The following TSPYL1 variants were observed in gnomAD, a reference collection of about 807,000 sequenced individuals.
The protein encoded by TSPYL1 is TSPY like 1, also known as testis-specific Y-encoded-like protein 1.
TSPYL1 carries 16 observed loss-of-function variants against 20.1 expected under a neutral mutation model. That is an observed-to-expected ratio of 0.80 (90% CI 0.54 to 1.21). The LOEUF is 1.21. Among genes scored for constraint, TSPYL1 ranks in the 50% most tolerant of loss-of-function variants. TSPYL1 has a pLI of 0.00. For missense variants in TSPYL1, 560 were observed against 569.3 expected, an observed-to-expected ratio of 0.98 and a Z score of 0.17; for synonymous variants, 259 against 227.1, an observed-to-expected ratio of 1.14 and a Z score of -1.26.
rs1405953567 is a variant in TSPYL1 at position 116,279,404 on chromosome 6, C to A, written c.427G>T (p.Glu143Ter). Residue 143 changes from glutamate (E) to a stop codon, truncating the protein, a stop_gained, in exon 1 of 1, where the codon GAG (glutamate) becomes TAG (stop). Coordinates refer to ENST00000368608, the MANE Select transcript of TSPYL1 (RefSeq NM_003309.4). LOFTEE classifies it low-confidence loss of function (END_TRUNC). ...TCAGCCTCCGCCCCCGCCGTCAGCT[C>A]AGACGCGGATCTCTGGGCGCCACAG... The part of the protein sequence containing the change: ...EICGAQRSAS[E>*]LTAGAEAEAE... 1 of 1,613,282 alleles carries A rather than the reference C, an allele frequency of 6.2e-7. No homozygotes were observed.
Position 116,279,855 on chromosome 6 carries a change from A to C in TSPYL1, c.-25T>G, listed in dbSNP as rs1313369741. On this transcript the variant is annotated 5_prime_UTR_variant, in exon 1 of 1. Transcript: ENST00000368608. ...TGTTGCTAACAGTCGGACCAACCGC[A>C]GGCGAACGCCCGTTTTCCTCAGAGG... The C allele has an allele frequency of 6.2e-7, 1 of 1,613,088 alleles. No homozygotes were observed. Among genetic ancestry groups the C allele is most frequent in the Middle Eastern group, 1.6e-4 (1 of 6,062 alleles).
chr6:116,278,775 A>G lies in TSPYL1; in HGVS notation c.1056T>C (p.Ser352=). The change falls in exon 1 of 1, where the codon TCT becomes TCC. Residue 352 remains serine, a synonymous_variant. Transcript: ENST00000368608. ...GCCCCCTGCGCCATATAATTGGAGT[A>G]GAAAGAGACACCACTCGGCCGGAGG... The part of the protein sequence containing the change: ...VRSSGRVVSL[S]TPIIWRRGHE... 1 of 1,614,220 alleles carries G rather than the reference A, an allele frequency of 6.2e-7. No individual in the cohort carries two copies.
Position 116,279,331 on chromosome 6 carries a change from A to G in TSPYL1, c.500T>C (p.Val167Ala), listed in dbSNP as rs1207511408. The G allele has an allele frequency of 1.2e-6, 2 of 1,610,646 alleles. No individual in the cohort carries two copies. The highest frequency in any genetic ancestry group is 2.7e-5 in the African/African-American group (2 of 74,936). ...CACCTCAGCGCTCTCCCTCTCAGCC[A>G]CGGCTGCTGAGACGGTGGCGCACTT... ...TGKCATVSAA[V>A]AERESAEVVK... Residue 167 changes from valine to alanine, a missense_variant, in exon 1 of 1, where the codon GTG becomes GCG. Physicochemically the swap from Val to Ala is moderately conservative, Grantham distance 64. Coordinates refer to ENST00000368608, the MANE Select transcript of TSPYL1 (RefSeq NM_003309.4).
In TSPYL1 at chr6:116,278,584, C is replaced by G; in HGVS notation, c.1247G>C (p.Arg416Thr). 1 of 1,614,188 alleles carries G rather than the reference C, an allele frequency of 6.2e-7. No homozygotes were observed. Among genetic ancestry groups the G allele is most frequent in the Admixed American group, 1.7e-5 (1 of 60,022 alleles). The stretch of plus-strand genomic sequence containing the variant: ...CTCCCTTAGCGGGCGACGTCGGGCT[C>G]TACGGACTCCTTCACGCAACAGGTA... ...QYYLLREGVR[R>T]ARRRPLREPV... Residue 416 changes from arginine to threonine, a missense_variant, in exon 1 of 1, where the codon AGA becomes ACA. Transcript: ENST00000368608.
chr6:116,279,110 T>C lies in TSPYL1; in HGVS notation c.721A>G (p.Thr241Ala). Residue 241 changes from threonine to alanine, a missense_variant, in exon 1 of 1, where the codon ACT (threonine) becomes GCT (alanine). Transcript: ENST00000368608. Reference sequence around the variant, plus strand: ...GCCCTGTCGGCCTGAGCATTCACAGTGTCCAGTTCCAGCTGGATGGCCTCC... The same window carrying C: ...GCCCTGTCGGCCTGAGCATTCACAGCGTCCAGTTCCAGCTGGATGGCCTCC... ...PLEAIQLELD[T>A]VNAQADRAFQ... 1 of 1,614,120 alleles carries C rather than the reference T, an allele frequency of 6.2e-7. No homozygotes were observed. The highest frequency in any genetic ancestry group is 8.5e-7 in the Non-Finnish European group (1 of 1,179,964).
rs534170210 is a variant in TSPYL1 at position 116,278,943 on chromosome 6, T to C, written c.888A>G (p.Gln296=). Residue 296 remains glutamine, a synonymous_variant, in exon 1 of 1, where the codon CAA becomes CAG. Transcript: ENST00000368608. ...HPQLSAMIRG[Q]DAEMLRYITN... The stretch of plus-strand genomic sequence containing the variant: ...TTATGTACCTTAACATCTCTGCATC[T>C]TGGCCCCTAATCATGGCGGACAACT... The C allele has an allele frequency of 6.2e-7, 1 of 1,614,136 alleles. No homozygotes were observed. The highest frequency in any genetic ancestry group is 2.2e-5 in the East Asian group (1 of 44,862).
rs1465291174 is a variant in TSPYL1 at position 116,275,436 on chromosome 6, G to T, written c.*3081C>A. Among the ~76,000 whole-genome samples, 1 of 152,168 alleles carries T rather than the reference G, an allele frequency of 6.6e-6. No homozygotes were observed. The highest frequency in any genetic ancestry group is 1.5e-5 in the Non-Finnish European group (1 of 68,024). On this transcript the variant is annotated 3_prime_UTR_variant, in exon 1 of 1. Transcript: ENST00000368608. ...CTCATTAAATCTTTCTGAGAACTAG[G>T]TTATTTTGTTCTTTTTCCTCCATCT...
chr6:116,278,759 G>A lies in TSPYL1; in HGVS notation c.1072C>T (p.Arg358Cys), dbSNP rs979950673. Reference sequence around the variant, plus strand: ...AAGGACTGGGGTTCATGCCCCCTGCGCCATATAATTGGAGTAGAAAGAGAC... The same window carrying A: ...AAGGACTGGGGTTCATGCCCCCTGCACCATATAATTGGAGTAGAAAGAGAC... ...VVSLSTPIIW[R>C]RGHEPQSFIR... Residue 358 changes from arginine (R) to cysteine (C), a missense_variant, in exon 1 of 1, where the codon CGC (arginine) becomes TGC (cysteine). By Grantham distance (180) the Arg-to-Cys change is radical. Coordinates refer to ENST00000368608, the MANE Select transcript of TSPYL1 (RefSeq NM_003309.4). The A allele has an allele frequency of 7.4e-6, 12 of 1,614,126 alleles. No individual in the cohort carries two copies. Among genetic ancestry groups the A allele is most frequent in the Non-Finnish European group, 1.0e-5 (12 of 1,180,036 alleles).
Position 116,279,313 on chromosome 6 carries a change from G to A in TSPYL1, c.518C>T (p.Ala173Val), listed in dbSNP as rs1773336944. The A allele has an allele frequency of 1.3e-6, 2 of 1,576,198 alleles. No homozygotes were observed. Among genetic ancestry groups the A allele is most frequent in the Admixed American group, 1.7e-5 (1 of 57,560 alleles). The change falls in exon 1 of 1, where the codon GCT (alanine) becomes GTT (valine). Residue 173 changes from alanine to valine, a missense_variant. Physicochemically the swap from Ala to Val is moderately conservative, Grantham distance 64. Coordinates refer to ENST00000368608, the MANE Select transcript of TSPYL1 (RefSeq NM_003309.4). ...VSAAVAERES[A>V]EVVKEGLAEK... ...CGCCAGGCCTTCCTTCACCACCTCA[G>A]CGCTCTCCCTCTCAGCCACGGCTGC...
In TSPYL1 at chr6:116,278,611, T is replaced by C. The variant is rs1387726528; in HGVS notation, c.1220A>G (p.Tyr407Cys). 4 of 1,614,174 alleles carry C rather than the reference T, an allele frequency of 2.5e-6. No individual in the cohort carries two copies. The highest frequency in any genetic ancestry group is 3.4e-6 in the Non-Finnish European group (4 of 1,180,030). The change falls in exon 1 of 1, where the codon TAC becomes TGC. Residue 407 changes from tyrosine (Y) to cysteine (C), a missense_variant. By Grantham distance (194) the Tyr-to-Cys change is radical. Coordinates refer to ENST00000368608, the MANE Select transcript of TSPYL1 (RefSeq NM_003309.4). ...KEDLWPNPLQ[Y>C]YLLREGVRRA... The stretch of plus-strand genomic sequence containing the variant: ...ACGGACTCCTTCACGCAACAGGTAG[T>C]ATTGCAGTGGATTTGGCCACAGATC...
In TSPYL1 at chr6:116,275,442, T is replaced by C. The variant is rs1773088598; in HGVS notation, c.*3075A>G. Among the ~76,000 whole-genome samples the C allele has an allele frequency of 6.6e-6, 1 of 152,248 alleles. No homozygotes were observed. Among genetic ancestry groups the C allele is most frequent in the South Asian group, 2.1e-4 (1 of 4,828 alleles). ...AAATCTTTCTGAGAACTAGGTTATT[T>C]TGTTCTTTTTCCTCCATCTGAGTTT... On this transcript the variant is annotated 3_prime_UTR_variant, in exon 1 of 1. Transcript: ENST00000368608.
Position 116,279,382 on chromosome 6 carries a change from G to C in TSPYL1, c.449C>G (p.Ala150Gly), listed in dbSNP as rs769437614. ...SASELTAGAE[A>G]EAEEVKTGKC... ...TCCTGTCTTCACCTCCTCCGCCTCAGCCTCCGCCCCCGCCGTCAGCTCAGA... is the reference window on the plus strand; with the variant it reads ...TCCTGTCTTCACCTCCTCCGCCTCACCCTCCGCCCCCGCCGTCAGCTCAGA... The change falls in exon 1 of 1, where the codon GCT becomes GGT. Residue 150 changes from alanine (A) to glycine (G), a missense_variant. Transcript: ENST00000368608. 1 of 1,612,678 alleles carries C rather than the reference G, an allele frequency of 6.2e-7. No homozygotes were observed. Among genetic ancestry groups the C allele is most frequent in the Non-Finnish European group, 8.5e-7 (1 of 1,180,006 alleles).
chr6:116,279,042 G>A lies in TSPYL1; in HGVS notation c.789C>T (p.His263=), dbSNP rs1159811966. The change falls in exon 1 of 1, where the codon CAC becomes CAT. Residue 263 remains histidine (H), a synonymous_variant. Coordinates refer to ENST00000368608, the MANE Select transcript of TSPYL1 (RefSeq NM_003309.4). ...TGATGTAGTTCCTCCGCTCCAGGTA[G>A]TGTCGACGCATCCGCCCAAACTTGT... ...LEHKFGRMRR[H]YLERRNYIIQ... 3 of 1,613,408 alleles carry A rather than the reference G, an allele frequency of 1.9e-6. No individual in the cohort carries two copies. The highest frequency in any genetic ancestry group is 2.5e-6 in the Non-Finnish European group (3 of 1,179,510).
In TSPYL1 at chr6:116,279,619, G is replaced by C. The variant is rs768428571; in HGVS notation, c.212C>G (p.Pro71Arg). Residue 71 changes from proline to arginine, a missense_variant, in exon 1 of 1, where the codon CCC (proline) becomes CGC (arginine). By Grantham distance (103) the Pro-to-Arg change is moderately radical. Coordinates refer to ENST00000368608, the MANE Select transcript of TSPYL1 (RefSeq NM_003309.4). ...ACCGCCACGGCCCGCGGCATCCTGG[G>C]GTACGCCCCCCTCCTCTGAAGGCGG... Reference protein sequence around the residue: ...PPPPSEEGGVPQDAAGRGGTP... With the variant: ...PPPPSEEGGVRQDAAGRGGTP... The C allele has an allele frequency of 1.9e-6, 3 of 1,603,050 alleles. No individual in the cohort carries two copies. Among genetic ancestry groups the C allele is most frequent in the African/African-American group, 1.3e-5 (1 of 75,032 alleles).
chr6:116,278,537 AGGG>A lies in TSPYL1; in HGVS notation c.1291_1293del (p.Pro431del), dbSNP rs1299813978. 6.2e-7 allele frequency: 1 copy of A among 1,614,146 alleles called. No homozygotes were observed. Among genetic ancestry groups the A allele is most frequent in the Non-Finnish European group, 8.5e-7 (1 of 1,180,026 alleles). On this transcript the variant is annotated inframe_deletion, in exon 1 of 1. Transcript: ENST00000368608. ...AAATGTTAACCAGACTGGAACCCAA[AGGG>A]CCTGGGGATCTCTACAGGCTCCCTT...
Position 116,279,786 on chromosome 6 carries a change from G to T in TSPYL1, c.45C>A (p.Thr15=), listed in dbSNP as rs780748901. 2 of 1,612,874 alleles carry T rather than the reference G, an allele frequency of 1.2e-6. No individual in the cohort carries two copies. The highest frequency in any genetic ancestry group is 8.5e-7 in the Non-Finnish European group (1 of 1,180,034). ...CTTGGTCAGAAATAATGATGCTGTG[G>T]GTTTGGAGGGGAGTGGTCCTCTTGA... The part of the protein sequence containing the change: ...DGVKRTTPLQ[T]HSIIISDQVP... Residue 15 remains threonine, a synonymous_variant, in exon 1 of 1, where the codon ACC becomes ACA. Transcript: ENST00000368608.
Position 116,279,685 on chromosome 6 carries a change from G to A in TSPYL1, c.146C>T (p.Pro49Leu), listed in dbSNP as rs758032675. 2.5e-6 allele frequency: 4 copies of A among 1,609,854 alleles called. No homozygotes were observed. The Admixed American group carries it at 6.7e-5, about 27-fold the overall frequency. ...GACGGTCTCCGAGCCTCCCTCACCC[G>A]GCTCCGCCATCACCTGTGTCGCCTC... ...QSEATQVMAE[P>L]GEGGSETVAL... The change falls in exon 1 of 1, where the codon CCG becomes CTG. Residue 49 changes from proline to leucine, a missense_variant. By Grantham distance (98) the Pro-to-Leu change is moderately conservative. Transcript: ENST00000368608.
At position 116,277,968 on chromosome 6, in the gene TSPYL1, G is replaced by A. The variant is rs537638071; in HGVS notation, c.*549C>T. The A allele has an allele frequency of 6.6e-6, 1 of 150,928 alleles. No individual in the cohort carries two copies. The highest frequency in any genetic ancestry group is 1.5e-5 in the Non-Finnish European group (1 of 68,308). The allele number at this position is 150,928 out of a possible 1,614,324, so 9.3% of individuals were successfully genotyped here. A position where few individuals can be genotyped will look rare whatever the true frequency, so the allele number is the denominator to read the frequency against. ...GGGAGAGAGAGGGACCTTGGCAGGA[G>A]CCAATGTAGGGCAGGTAGCAATAGA... On this transcript the variant is annotated 3_prime_UTR_variant, in exon 1 of 1. Transcript: ENST00000368608.
chr6:116,278,410 A>T lies in TSPYL1; in HGVS notation c.*107T>A, dbSNP rs1274366334. On this transcript the variant is annotated 3_prime_UTR_variant, in exon 1 of 1. Transcript: ENST00000368608. ...AAAGGAAACAGGGTGCAGAAAAGTC[A>T]GCAAAAACAAAGCACAATAGAAGGC... 2.7e-6 allele frequency: 4 copies of T among 1,487,272 alleles called. No homozygotes were observed. The African/African-American group carries it at 5.6e-5, about 21-fold the overall frequency. 92.1% of individuals were successfully genotyped at this position (1,487,272 alleles called of 1,614,324 possible).
Sources: allele counts gnomAD v4.1 joint callset (sites outside exome capture counted in the v4.1 genomes callset), GRCh38; gene constraint gnomAD v4.1.1; transcripts MANE v1.5; gene names NCBI Gene and HGNC (gene_info 2026-07-23, HGNC 2026-07-21).